The following DEPDC5 variants were observed in gnomAD, a reference collection of about 807,000 sequenced individuals.
DEPDC5 encodes DEP domain containing 5, GATOR1 subcomplex subunit.
In DEPDC5, 73 loss-of-function variants were observed where a neutral mutation model predicts 217.3. The observed-to-expected ratio is 0.34, with a 90% CI of 0.28 to 0.41. DEPDC5 has a LOEUF of 0.41. Ranked by LOEUF, DEPDC5 falls within the 10% of genes least tolerant of loss-of-function variation. DEPDC5 has a pLI of 1.00. For missense variants in DEPDC5, 1,675 were observed against 2,070.1 expected, an observed-to-expected ratio of 0.81 and a Z score of 3.70; for synonymous variants, 733 against 756.7, an observed-to-expected ratio of 0.97 and a Z score of 0.51.
chr22:31,780,955 C>T (rs1435557253), intron 8 of DEPDC5, among the ~76,000 whole-genome samples: 6 of 152,178 alleles, frequency 3.9e-5, no homozygotes, highest in South Asian at 2.1e-4. Context: ...CGGTGGCTCA[C>T]GCCTGTAATC....
intron 1 of DEPDC5, 146 bp from the exon 2 acceptor site, chr22:31,754,716 G>GT: frequency 3.3e-6 from 2 of 603,782 alleles, no homozygotes; most frequent in East Asian, 2.8e-5. Context: ...ATCGCTCCTT[G>GT]TAACTGGAGG....
In DEPDC5 at chr22:31,879,674, C is replaced by A; in HGVS notation, c.3955C>A (p.Arg1319=). ...CTTTCTCCTGCCCTGGCTGCCTAGC[C>A]GGCCAGCCTCCTATGCAAGTAGGCA... ...PAFLLPWLPS[R]PASYASRHSS... The change falls in exon 38 of 43, where the codon CGG becomes AGG. Residue 1319 remains arginine, a synonymous_variant. Transcript: ENST00000651528. 2 of 1,614,116 alleles carry A rather than the reference C, an allele frequency of 1.2e-6. No individual in the cohort carries two copies. Among genetic ancestry groups the A allele is most frequent in the African/African-American group, 1.3e-5 (1 of 75,028 alleles).
intron 30 of DEPDC5, among the ~76,000 whole-genome samples, chr22:31,846,612 A>C (rs1474149325): frequency 6.6e-6 from 1 of 152,168 alleles, no homozygotes; most frequent in Non-Finnish European, 1.5e-5. Context: ...GGTGAGGGTG[A>C]AATGAGGATG....
At chr22:31,760,844 C>T (rs1292348568) in intron 4 of DEPDC5, 142 bp downstream of exon 4, 8 of 700,206 alleles carry the variant, frequency 1.1e-5, no homozygotes, top group Non-Finnish European at 1.9e-5. Context: ...TCAATTCAGG[C>T]AGTACATGGG....
chr22:31,819,046 C>T lies in DEPDC5; in HGVS notation c.1691C>T (p.Pro564Leu). Residue 564 changes from proline (P) to leucine (L), a missense_variant, in exon 22 of 43, where the codon CCA becomes CTA. Pro to Leu is a moderately conservative substitution (Grantham distance 98). Around this residue, in one of 11 missense-constraint regions of DEPDC5, gnomAD observed 628 missense variants for 762.1 expected, o/e 0.82. Coordinates refer to ENST00000651528, the MANE Select transcript of DEPDC5 (RefSeq NM_001242896.3). ...TRDVLENMME[P>L]PQRDSSAPGR... is the part of the protein sequence containing the mutation. Reference sequence around the variant, plus strand: ...GATGTCCTGGAGAACATGATGGAGCCACCACAGCGAGACTCCAGTGCACCA... The same window carrying T: ...GATGTCCTGGAGAACATGATGGAGCTACCACAGCGAGACTCCAGTGCACCA... 6.2e-7 allele frequency: 1 copy of T among 1,614,158 alleles called. No individual in the cohort carries two copies. Among genetic ancestry groups the T allele is most frequent in the Admixed American group, 1.7e-5 (1 of 60,010 alleles).
chr22:31,762,489 T>C (rs1476132432), intron 4 of DEPDC5, among the ~76,000 whole-genome samples: 1 of 152,100 alleles, frequency 6.6e-6, no homozygotes, highest in African/African-American at 2.4e-5. Context: ...GATGGCTGGG[T>C]GCAGTGGCTG....
chr22:31,898,050 T>A (rs1380783006), intron 40 of DEPDC5, among the ~76,000 whole-genome samples: 1 of 152,082 alleles, frequency 6.6e-6, no homozygotes, highest in Non-Finnish European at 1.5e-5. Flanking sequence ...ATATGCTATT[T>A]CGTGCAAAAA....
chr22:31,793,395 C>T (rs760409171), intron 12 of DEPDC5, among the ~76,000 whole-genome samples: 2 of 151,708 alleles, frequency 1.3e-5, no homozygotes, highest in Non-Finnish European at 2.9e-5. Context: ...TATAATGAGC[C>T]CGTATACCCA....
intron 14 of DEPDC5, among the ~76,000 whole-genome samples, chr22:31,801,517 A>G (rs1450475046): frequency 6.6e-6 from 1 of 152,204 alleles, no homozygotes; most frequent in Non-Finnish European, 1.5e-5. Flanking sequence ...GTACTGATTT[A>G]GTTTAAACAA....
chr22:31,801,000 T>A (rs2086810369), intron 14 of DEPDC5, among the ~76,000 whole-genome samples: 1 of 151,196 alleles, frequency 6.6e-6, no homozygotes, highest in Admixed American at 6.6e-5. Flanking sequence ...TTTTTTTTTT[T>A]TAAATAAATA....
At chr22:31,852,418 G>A (rs192741066) in intron 31 of DEPDC5, among the ~76,000 whole-genome samples, 6 of 146,134 alleles carry the variant, frequency 4.1e-5, no homozygotes, top group Admixed American at 2.8e-4. Context: ...TTGGCTCACC[G>A]CAGCCTCCAT....
At chr22:31,903,814 C>G (rs1039650845) in intron 41 of DEPDC5, among the ~76,000 whole-genome samples, 1 of 151,096 alleles carries the variant, frequency 6.6e-6, no homozygotes. Context: ...CTGAATTCCT[C>G]TTTCCCTTTC....
At chr22:31,777,949 T>C (rs1258296287) in intron 7 of DEPDC5, 150 bp from the exon 8 acceptor site, 21 of 751,990 alleles carry the variant, frequency 2.8e-5, no homozygotes, top group Non-Finnish European at 4.2e-5. Flanking sequence ...GGTTTCACCA[T>C]GTTGTCCAGG....
chr22:31,836,024 C>T (rs2090970095), intron 25 of DEPDC5, among the ~76,000 whole-genome samples: 1 of 152,248 alleles, frequency 6.6e-6, no homozygotes, highest in Admixed American at 6.5e-5. Context: ...CTTCGTATTG[C>T]TCCCTTCTTT....
intron 27 of DEPDC5, 64 bp from the exon 28 acceptor site, chr22:31,843,031 A>G: frequency 8.0e-7 from 1 of 1,250,550 alleles, no homozygotes; most frequent in Non-Finnish European, 1.1e-6. Flanking sequence ...TATGGATGAG[A>G]AACAATTGTC....
rs529822878 is a variant in DEPDC5 at position 31,849,920 on chromosome 22, C to T, written c.3155+2953C>T. On this transcript the variant is annotated intron_variant, in intron 31 of 42. Coordinates refer to ENST00000651528, the MANE Select transcript of DEPDC5 (RefSeq NM_001242896.3). ...TCCCTCCCAAGACACATGGGGATTA[C>T]AGGAACTACAATTTGAGATGAGATT... is the stretch of plus-strand genomic sequence containing the variant. Among the ~76,000 whole-genome samples, 15 of 152,252 alleles carry T rather than the reference C, an allele frequency of 9.9e-5. No homozygotes were observed. In the South Asian group the frequency reaches 3.1e-3, roughly 32 times the overall value.
chr22:31,861,178 C>CTT (rs541299740), intron 32 of DEPDC5, among the ~76,000 whole-genome samples, 190 bp from the exon 33 acceptor site: 84 of 141,882 alleles, frequency 5.9e-4, no homozygotes, highest in African/African-American at 2.0e-3. Context: ...CTCTCTCTCT[C>CTT]TTTTTTTTTT....
At chr22:31,902,595 C>A (rs1456011275) in intron 41 of DEPDC5, among the ~76,000 whole-genome samples, 2 of 151,916 alleles carry the variant, frequency 1.3e-5, no homozygotes, top group Admixed American at 1.3e-4. Context: ...TGATTTCCTC[C>A]TTCCACTAAC....
Position 31,760,693 on chromosome 22 carries a change from T to A in DEPDC5, c.184T>A (p.Leu62Ile). The change falls in exon 4 of 43, where the codon TTA (leucine) becomes ATA (isoleucine). Residue 62 changes from leucine to isoleucine, a missense_variant. By Grantham distance (5) the Leu-to-Ile change is conservative. Transcript: ENST00000651528. ...GCAGGTCAAGTCTCTTAAGGAAGAT[T>A]TACAGAAGGGTAAGAATTATATCAC... ...LLQVKSLKED[L>I]QKETISVDQT... 2 of 1,612,102 alleles carry A rather than the reference T, an allele frequency of 1.2e-6. No individual in the cohort carries two copies. The highest frequency in any genetic ancestry group is 1.7e-6 in the Non-Finnish European group (2 of 1,179,112).
Sources: allele counts gnomAD v4.1 joint callset (sites outside exome capture counted in the v4.1 genomes callset), GRCh38; gene constraint gnomAD v4.1.1; regional missense constraint gnomAD v4.1.1; transcripts MANE v1.5; gene names NCBI Gene and HGNC (gene_info 2026-07-23, HGNC 2026-07-21).